Variants in LTBP1 observed in about 807,000 individuals in gnomAD.
LTBP1 encodes the protein latent transforming growth factor beta binding protein 1.
LTBP1 carries 129 observed loss-of-function variants against 207.6 expected under a neutral mutation model. The ratio of observed to expected loss-of-function variants is 0.62; its 90% CI spans 0.54 to 0.72. The LOEUF (loss-of-function observed/expected upper bound fraction) is 0.72, where lower values mean the gene tolerates loss of function less well. Ranked by LOEUF, LTBP1 falls within the 30% of genes least tolerant of loss-of-function variation. LTBP1 has a pLI of 0.00. For missense variants in LTBP1, 2,281 were observed against 2,217.2 expected, an observed-to-expected ratio of 1.03 and a Z score of -0.58; for synonymous variants, 963 against 833.7, an observed-to-expected ratio of 1.16 and a Z score of -2.67.
intron 3 of LTBP1, chr2:33,056,208 C>T: frequency 3.1e-6 from 1 of 319,522 alleles, no homozygotes; most frequent in Non-Finnish European, 5.9e-6. Context: ...GCCTCTTTTT[C>T]AGGGTTTGTG....
chr2:33,103,964 A>G (rs1450454029), intron 3 of LTBP1, among the ~76,000 whole-genome samples: 3 of 151,952 alleles, frequency 2.0e-5, no homozygotes, highest in African/African-American at 4.8e-5. Context: ...AAGGACCCTC[A>G]ACACAGGGGA....
intron 2 of LTBP1, among the ~76,000 whole-genome samples, chr2:32,984,585 A>G (rs1025163457): frequency 1.3e-5 from 2 of 152,206 alleles, no homozygotes; most frequent in Admixed American, 6.5e-5. Context: ...GTGACTTTCC[A>G]GTTTCTGTGG....
chr2:32,960,427 GAAT>G (rs1368148135), intron 2 of LTBP1, among the ~76,000 whole-genome samples: 1,536 of 152,126 alleles, frequency 0.01, 33 homozygotes, highest in African/African-American at 0.036. Context: ...ATGAATGAAT[GAAT>G]GAATGGATTG....
At chr2:33,185,579 A>T (rs2087111665) in intron 5 of LTBP1, among the ~76,000 whole-genome samples, 2 of 152,194 alleles carry the variant, frequency 1.3e-5, no homozygotes. Flanking sequence ...GTATATAAAG[A>T]ACAAGTAAAG....
chr2:33,359,889 A>G (rs141498284), intron 26 of LTBP1, among the ~76,000 whole-genome samples: 87 of 152,268 alleles, frequency 5.7e-4, no homozygotes, highest in African/African-American at 1.9e-3. Flanking sequence ...GTATTCTTTC[A>G]TATCGCCTTG....
chr2:33,052,556 AT>A (rs2076797979), intron 3 of LTBP1, among the ~76,000 whole-genome samples: 1 of 152,190 alleles, frequency 6.6e-6, no homozygotes, highest in Non-Finnish European at 1.5e-5. Flanking sequence ...GCAACTACAT[AT>A]TTTGTTGGCA....
intron 5 of LTBP1, among the ~76,000 whole-genome samples, chr2:33,179,763 A>T (rs896356368): frequency 2.6e-5 from 4 of 152,160 alleles, no homozygotes; most frequent in African/African-American, 7.2e-5. Flanking sequence ...CCAATAGAAG[A>T]TCCTGTAGCT....
intron 3 of LTBP1, among the ~76,000 whole-genome samples, chr2:33,048,144 G>T (rs17396773): frequency 0.039 from 5,894 of 152,274 alleles, 195 homozygotes; most frequent in Non-Finnish European, 0.066. Flanking sequence ...TCAGAGATCT[G>T]TTGTAAGGAT....
At chr2:33,290,333 T>C (rs892000293) in intron 19 of LTBP1, among the ~76,000 whole-genome samples, 4 of 152,208 alleles carry the variant, frequency 2.6e-5, no homozygotes, top group African/African-American at 7.2e-5. Context: ...GCACTTCTTA[T>C]GGCATTGATG....
chr2:33,316,454 G>A (rs539398264), intron 24 of LTBP1, among the ~76,000 whole-genome samples: 1 of 152,292 alleles, frequency 6.6e-6, no homozygotes, highest in Non-Finnish European at 1.5e-5. Context: ...ATTATATTGG[G>A]AGGAATAAAC....
At position 33,016,174 on chromosome 2, in the gene LTBP1, G is replaced by T. The variant is rs552685721; in HGVS notation, c.566-4735G>T. 1.5e-4 allele frequency among the ~76,000 whole-genome samples: 23 copies of T among 152,240 alleles called. 1 individual carries two copies. In the East Asian group the frequency reaches 4.3e-3, roughly 28 times the overall value. ...TGAGGGGCCTGTGCTCCTGCATAGG[G>T]CTCCCTCTGTGCAGAGACAAGGAGG... On this transcript the variant is annotated intron_variant, in intron 2 of 33. Transcript: ENST00000404816.
intron 31 of LTBP1, among the ~76,000 whole-genome samples, chr2:33,371,903 G>A (rs900092553): frequency 1.3e-5 from 2 of 152,144 alleles, no homozygotes; most frequent in African/African-American, 4.8e-5. Flanking sequence ...ATGAAATCTG[G>A]TGGTGTCCCA....
intron 22 of LTBP1, among the ~76,000 whole-genome samples, chr2:33,302,037 T>C (rs1186167382): frequency 6.6e-6 from 1 of 152,198 alleles, no homozygotes; most frequent in Non-Finnish European, 1.5e-5. Flanking sequence ...GAGCCAAACA[T>C]CAATTCAGTT....
intron 31 of LTBP1, among the ~76,000 whole-genome samples, chr2:33,379,884 C>T (rs1193058188): frequency 6.6e-6 from 1 of 152,164 alleles, no homozygotes; most frequent in African/African-American, 2.4e-5. Context: ...GAGATCTGAA[C>T]TTCTGAATAT....
intron 19 of LTBP1, among the ~76,000 whole-genome samples, chr2:33,280,632 C>T (rs369721745): frequency 3.3e-5 from 5 of 152,198 alleles, no homozygotes; most frequent in African/African-American, 1.2e-4. Flanking sequence ...AGCTCTGCCC[C>T]TTAATGGTTT....
intron 7 of LTBP1, among the ~76,000 whole-genome samples, chr2:33,201,211 A>C (rs2089213676): frequency 6.6e-6 from 1 of 152,216 alleles, no homozygotes; most frequent in African/African-American, 2.4e-5. Context: ...ACAATAGCAA[A>C]GACTTGGAAC....
intron 31 of LTBP1, among the ~76,000 whole-genome samples, chr2:33,387,639 C>G (rs2095278125): frequency 6.6e-6 from 1 of 152,090 alleles, no homozygotes; most frequent in South Asian, 2.1e-4. Context: ...CACATGCATA[C>G]ACACACACCT....
At chr2:32,951,270 C>T (rs1369591877) in intron 2 of LTBP1, among the ~76,000 whole-genome samples, 2 of 152,188 alleles carry the variant, frequency 1.3e-5, no homozygotes, top group African/African-American at 4.8e-5. Context: ...CTGTACTTCC[C>T]AGTTTAACAA....
intron 5 of LTBP1, among the ~76,000 whole-genome samples, chr2:33,165,072 G>A (rs926260669): frequency 6.6e-6 from 1 of 152,210 alleles, no homozygotes; most frequent in African/African-American, 2.4e-5. Context: ...AGGGAGTGTG[G>A]TATGTTCCAG....
Sources: allele counts gnomAD v4.1 joint callset (sites outside exome capture counted in the v4.1 genomes callset), GRCh38; gene constraint gnomAD v4.1.1; transcripts MANE v1.5; gene names NCBI Gene and HGNC (gene_info 2026-07-23, HGNC 2026-07-21).